Variants in SOX6 observed in about 807,000 individuals in gnomAD.
The protein encoded by SOX6 is transcription factor SOX-6.
Under a neutral mutation model 97.8 loss-of-function variants are expected in SOX6, and 11 were observed. The observed-to-expected ratio is 0.11, with a 90% CI of 0.07 to 0.19. The LOEUF is 0.19. Among genes scored for constraint, SOX6 ranks in the 10% least tolerant of loss-of-function variants. SOX6 has a pLI of 1.00. For missense variants in SOX6, 810 were observed against 1,039.5 expected, an observed-to-expected ratio of 0.78 and a Z score of 3.04; for synonymous variants, 360 against 371.4, an observed-to-expected ratio of 0.97 and a Z score of 0.35.
intron 3 of SOX6, among the ~76,000 whole-genome samples, chr11:16,696,415 A>T (rs1044181587): frequency 6.6e-6 from 1 of 152,334 alleles, no homozygotes; most frequent in South Asian, 2.1e-4. Context: ...AAATCTTATA[A>T]CTATATTCAT....
At chr11:16,089,913 T>C (rs567451247) in intron 9 of SOX6, among the ~76,000 whole-genome samples, 1 of 152,256 alleles carries the variant, frequency 6.6e-6, no homozygotes, top group African/African-American at 2.4e-5. Context: ...TTTTCTAAAA[T>C]GCTAGAATGT....
At chr11:16,675,568 G>C (rs957454293) in intron 3 of SOX6, among the ~76,000 whole-genome samples, 1 of 152,146 alleles carries the variant, frequency 6.6e-6, no homozygotes, top group Non-Finnish European at 1.5e-5. Context: ...TCTTTGTCTG[G>C]GTTCAAGTTA....
chr11:16,512,029 A>G (rs1370448688), intron 4 of SOX6, among the ~76,000 whole-genome samples: 1 of 152,218 alleles, frequency 6.6e-6, no homozygotes, highest in Non-Finnish European at 1.5e-5. Flanking sequence ...TCAGAACAGC[A>G]GATTGTATAT....
intron 4 of SOX6, among the ~76,000 whole-genome samples, chr11:16,600,492 C>T (rs1302380032): frequency 1.3e-5 from 2 of 152,130 alleles, no homozygotes; most frequent in Admixed American, 6.5e-5. Context: ...TTTAAGACTA[C>T]CACAGATTTG....
chr11:16,349,998 T>G (rs372525589), intron 1 of SOX6, among the ~76,000 whole-genome samples: 15 of 152,302 alleles, frequency 9.8e-5, no homozygotes, highest in African/African-American at 3.1e-4. Flanking sequence ...AATAACATCA[T>G]TTATGATCAT....
chr11:16,072,993 C>T (rs1391725907), intron 9 of SOX6, among the ~76,000 whole-genome samples: 2 of 152,156 alleles, frequency 1.3e-5, no homozygotes, highest in East Asian at 1.9e-4. Context: ...CACAAAAACA[C>T]ACTTAAGTAC....
intron 1 of SOX6, among the ~76,000 whole-genome samples, chr11:16,459,203 A>G (rs1377168137): frequency 6.6e-6 from 1 of 152,046 alleles, no homozygotes; most frequent in Non-Finnish European, 1.5e-5. Context: ...TTAGAATGGT[A>G]TTGCATCAGT....
At chr11:16,578,063 G>T (rs1565184890) in intron 4 of SOX6, among the ~76,000 whole-genome samples, 1 of 152,044 alleles carries the variant, frequency 6.6e-6, no homozygotes, top group Non-Finnish European at 1.5e-5. Context: ...CTCATATGTA[G>T]GTCTTTAATT....
chr11:16,685,834 C>T (rs904066878), intron 3 of SOX6, among the ~76,000 whole-genome samples: 1 of 152,282 alleles, frequency 6.6e-6, no homozygotes, highest in Admixed American at 6.5e-5. Flanking sequence ...AGGCTTCTGC[C>T]TGGGCACCTA....
chr11:16,644,090 G>A (rs990882523), intron 3 of SOX6, among the ~76,000 whole-genome samples: 1 of 152,144 alleles, frequency 6.6e-6, no homozygotes, highest in Non-Finnish European at 1.5e-5. Context: ...ACCCAGGCTG[G>A]AGTGCAATGG....
chr11:16,464,438 C>A, intron 1 of SOX6, among the ~76,000 whole-genome samples: 1 of 146,014 alleles, frequency 6.8e-6, no homozygotes, highest in African/African-American at 2.6e-5. Context: ...TAATTAGAAA[C>A]AATCTCTTTC....
chr11:16,713,943 C>T (rs967644464), intron 3 of SOX6, among the ~76,000 whole-genome samples: 44 of 152,316 alleles, frequency 2.9e-4, no homozygotes, highest in Non-Finnish European at 1.9e-4. Flanking sequence ...TCCATACTCA[C>T]GATTCTGCCC....
rs558668274 is a variant in SOX6 at position 16,605,600 on chromosome 11, C to T, written n.609+6481G>A. Reference sequence around the variant, plus strand: ...AGGGAGCGCAAGCGTTTTCTAGCGACCCGGGTTTTCTTCATGAACTCCTCC... The same window carrying T: ...AGGGAGCGCAAGCGTTTTCTAGCGATCCGGGTTTTCTTCATGAACTCCTCC... On this transcript the variant is annotated intron_variant and non_coding_transcript_variant, in intron 4 of 5. Coordinates refer to the SOX6 transcript ENST00000524520. The surrounding 1 kb of genome is among the most constrained non-coding windows in gnomAD (Gnocchi z 5.3). Among the ~76,000 whole-genome samples, 51 of 152,206 alleles carry T rather than the reference C, an allele frequency of 3.4e-4. No individual in the cohort carries two copies. Among genetic ancestry groups the T allele is most frequent in the African/African-American group, 1.1e-3 (44 of 41,528 alleles).
intron 3 of SOX6, among the ~76,000 whole-genome samples, chr11:16,691,790 C>G (rs954375171): frequency 2.0e-5 from 3 of 151,990 alleles, no homozygotes; most frequent in African/African-American, 4.8e-5. Context: ...AGAATAAAAC[C>G]CTGACTCAAA....
At chr11:16,217,099 G>A (rs965699312) in intron 4 of SOX6, among the ~76,000 whole-genome samples, 41 of 152,164 alleles carry the variant, frequency 2.7e-4, no homozygotes, top group South Asian at 2.1e-4. Context: ...CAGCATGGTC[G>A]TGCCCATTTC....
chr11:16,685,339 C>G (rs1036944446), intron 3 of SOX6, among the ~76,000 whole-genome samples: 2 of 152,212 alleles, frequency 1.3e-5, no homozygotes, highest in Non-Finnish European at 2.9e-5. Flanking sequence ...AAAGCAAGTA[C>G]TTTCTAACCA....
intron 3 of SOX6, among the ~76,000 whole-genome samples, chr11:16,235,134 T>C (rs1354381294): frequency 2.6e-5 from 4 of 151,968 alleles, no homozygotes; most frequent in African/African-American, 9.7e-5. Context: ...ACTTAGTTCT[T>C]AAAAAAGAAA....
At chr11:16,063,621 C>T (rs1159236447) in intron 9 of SOX6, among the ~76,000 whole-genome samples, 6 of 135,536 alleles carry the variant, frequency 4.4e-5, no homozygotes, top group South Asian at 2.3e-4. Flanking sequence ...AAGTACAAGG[C>T]CTTTTCTCAT....
intron 3 of SOX6, among the ~76,000 whole-genome samples, chr11:16,688,710 A>G (rs1590052939): frequency 6.6e-6 from 1 of 152,160 alleles, no homozygotes; most frequent in East Asian, 1.9e-4. Context: ...ATACTTTTTA[A>G]TGTCATTTTT....
Sources: gnomAD v4.1 joint callset for allele counts (sites outside exome capture counted in the v4.1 genomes callset) on GRCh38, gnomAD v4.1.1 for gene constraint, Gnocchi (gnomAD v3.1) non-coding constraint, MANE v1.5 for transcripts, NCBI Gene and HGNC (gene_info 2026-07-23, HGNC 2026-07-21) for gene names.